The following NFIB variants were observed in gnomAD, a reference collection of about 807,000 sequenced individuals.
NFIB encodes the protein nuclear factor 1 B-type.
A neutral mutation model predicts 61.5 loss-of-function variants in NFIB; 11 were observed. That is an observed-to-expected ratio of 0.18 (90% CI 0.11 to 0.30). The LOEUF (loss-of-function observed/expected upper bound fraction) is 0.30, where lower values mean the gene tolerates loss of function less well. Ranked by LOEUF, NFIB falls within the 10% of genes least tolerant of loss-of-function variation. The pLI is 1.00. For missense variants in NFIB, 471 were observed against 608.9 expected (o/e 0.77, Z 2.38); for synonymous variants, 260 against 216.5 (o/e 1.20, Z -1.76).
At chr9:14,219,593 C>T (rs1450308497) in intron 2 of NFIB, among the ~76,000 whole-genome samples, 1 of 152,126 alleles carries the variant, frequency 6.6e-6, no homozygotes, top group African/African-American at 2.4e-5. Flanking sequence ...GTTATTCCTG[C>T]TTTACACGTA....
the NFIB span, among the ~76,000 whole-genome samples, chr9:14,504,914 C>T: frequency 4.6e-5 from 7 of 152,262 alleles, no homozygotes; most frequent in South Asian, 1.5e-3. Context: ...TGTTCCAGTT[C>T]TCAGGGGAAA....
At chr9:14,130,566 C>G (rs1377424637) in intron 6 of NFIB, among the ~76,000 whole-genome samples, 1 of 152,016 alleles carries the variant, frequency 6.6e-6, no homozygotes, top group Non-Finnish European at 1.5e-5. Context: ...CTTGTATCCA[C>G]TGCGTATGCT....
intron 2 of NFIB, among the ~76,000 whole-genome samples, chr9:14,196,673 T>C (rs1237297812): frequency 1.6e-5 from 2 of 124,862 alleles, no homozygotes; most frequent in Admixed American, 1.8e-4. Context: ...TACTCCCAAT[T>C]CTCTTATTCT....
chr9:14,354,780 CTGTGTG>C (rs67877825), intron 1 of NFIB, among the ~76,000 whole-genome samples: 25,378 of 145,842 alleles, frequency 0.17, 2,137 homozygotes, highest in African/African-American at 0.18. Context: ...AATGGGTACT[CTGTGTG>C]TGTGTGTGTG....
chr9:14,282,503 C>T (rs1046459357), intron 2 of NFIB, among the ~76,000 whole-genome samples: 16 of 152,160 alleles, frequency 1.1e-4, no homozygotes, highest in Admixed American at 5.2e-4. Context: ...GTCCAAATTA[C>T]AAGTGATGTG....
At chr9:14,356,515 G>A (rs967951901) in intron 1 of NFIB, among the ~76,000 whole-genome samples, 6 of 152,132 alleles carry the variant, frequency 3.9e-5, no homozygotes, top group African/African-American at 1.4e-4. Context: ...TGGTCAGCAA[G>A]GCCCTGAGGG....
chr9:14,235,245 C>A (rs560830106), intron 2 of NFIB, among the ~76,000 whole-genome samples: 89 of 152,282 alleles, frequency 5.8e-4, no homozygotes, highest in Admixed American at 4.0e-3. Context: ...TAAAGGCGAT[C>A]TGATGTTCAA....
chr9:14,245,015 C>G (rs942803146), intron 2 of NFIB, among the ~76,000 whole-genome samples: 3 of 152,190 alleles, frequency 2.0e-5, no homozygotes, highest in Non-Finnish European at 4.4e-5. Context: ...AGTCAGCATT[C>G]CCCTGGTTCT....
chr9:14,114,398 C>A (rs79900330), intron 9 of NFIB, among the ~76,000 whole-genome samples: 1 of 152,102 alleles, frequency 6.6e-6, no homozygotes, highest in Non-Finnish European at 1.5e-5. Flanking sequence ...TGAGAAAGAG[C>A]CTTCCTTGGC....
intron 2 of NFIB, among the ~76,000 whole-genome samples, chr9:14,254,758 A>C (rs945671159): frequency 2.6e-5 from 4 of 152,168 alleles, no homozygotes; most frequent in African/African-American, 9.7e-5. Flanking sequence ...CTTTATTTGA[A>C]TAAGACTTCT....
chr9:14,379,745 T>C (rs2061462475), intron 1 of NFIB, among the ~76,000 whole-genome samples: 1 of 152,040 alleles, frequency 6.6e-6, no homozygotes, highest in African/African-American at 2.4e-5. Context: ...TGCAATGGCA[T>C]AATCTTGGCT....
the NFIB span, among the ~76,000 whole-genome samples, chr9:14,417,122 A>T: frequency 6.7e-6 from 1 of 149,164 alleles, no homozygotes. Flanking sequence ...TGAACTCCTG[A>T]CCTCGTGATC....
At chr9:14,472,948 G>C in the NFIB span, among the ~76,000 whole-genome samples, 7 of 152,198 alleles carry the variant, frequency 4.6e-5, no homozygotes, top group Non-Finnish European at 1.0e-4. Flanking sequence ...CACTGCTCTA[G>C]AATTATTTTA....
At chr9:14,168,292 G>A (rs1161736587) in intron 3 of NFIB, among the ~76,000 whole-genome samples, 1 of 152,148 alleles carries the variant, frequency 6.6e-6, no homozygotes, top group Non-Finnish European at 1.5e-5. Flanking sequence ...AAAGAAGAAT[G>A]CAATACTCAC....
chr9:14,525,305 GA>G, the NFIB span, among the ~76,000 whole-genome samples: 2 of 152,176 alleles, frequency 1.3e-5, no homozygotes, highest in African/African-American at 2.4e-5. Context: ...TCATATGGGT[GA>G]AATAGTCAAT....
intron 2 of NFIB, among the ~76,000 whole-genome samples, chr9:14,261,295 C>T (rs567231232): frequency 6.6e-6 from 1 of 151,854 alleles, no homozygotes; most frequent in Admixed American, 6.6e-5. Context: ...CCAGCCTGGG[C>T]AATAGAGCAG....
At chr9:14,378,284 C>A (rs1588393742) in intron 1 of NFIB, among the ~76,000 whole-genome samples, 2 of 152,212 alleles carry the variant, frequency 1.3e-5, no homozygotes. Context: ...ATGTAGGGCT[C>A]AATAAATGCA....
intron 2 of NFIB, among the ~76,000 whole-genome samples, chr9:14,270,826 TA>T (rs1465141652): frequency 6.6e-6 from 1 of 152,108 alleles, no homozygotes. Context: ...TTTATAGCAA[TA>T]AAGCAGAACC....
At chr9:14,494,924 A>G in the NFIB span, among the ~76,000 whole-genome samples, 1 of 152,184 alleles carries the variant, frequency 6.6e-6, no homozygotes, top group East Asian at 1.9e-4. Context: ...TCACAACTGC[A>G]ATACTCTTGT....
Sources: allele counts gnomAD v4.1 joint callset (sites outside exome capture counted in the v4.1 genomes callset), GRCh38; gene constraint gnomAD v4.1.1; transcripts MANE v1.5; gene names NCBI Gene and HGNC (gene_info 2026-07-23, HGNC 2026-07-21).